Variants in GLI2 observed in about 807,000 individuals in gnomAD.
The protein encoded by GLI2 is GLI family zinc finger 2, also known as transcription activator GLI2.
A neutral mutation model predicts 78.9 loss-of-function variants in GLI2; 22 were observed. The ratio of observed to expected loss-of-function variants is 0.28; its 90% CI spans 0.20 to 0.40. GLI2 has a LOEUF of 0.40. Among genes scored for constraint, GLI2 ranks in the 10% least tolerant of loss-of-function variants. The pLI is 1.00. For synonymous variants in GLI2, 974 were observed against 963.7 expected, an observed-to-expected ratio of 1.01 and a Z score of -0.20; for missense variants, 2,097 against 2,213.2, an observed-to-expected ratio of 0.95 and a Z score of 1.05.
chr2:120,782,312 A>ACCCT (rs1683873159), intron 1 of GLI2, among the ~76,000 whole-genome samples: 4 of 152,198 alleles, frequency 2.6e-5, no homozygotes, highest in Non-Finnish European at 5.9e-5. Flanking sequence ...CTTCAGGGAT[A>ACCCT]GCTGGAGTTC....
chr2:120,839,582 G>A (rs978915694), intron 2 of GLI2, among the ~76,000 whole-genome samples: 2 of 151,778 alleles, frequency 1.3e-5, no homozygotes, highest in African/African-American at 2.4e-5. Flanking sequence ...ATTTTTTTGA[G>A]ATGGAGTCTC....
At chr2:120,852,338 C>T (rs529141771) in intron 2 of GLI2, among the ~76,000 whole-genome samples, 24 of 152,166 alleles carry the variant, frequency 1.6e-4, no homozygotes, top group Admixed American at 1.1e-3. Flanking sequence ...GCTCCATTTT[C>T]GGGCCAGCTC....
At position 120,992,041 on chromosome 2, in the gene GLI2, CACACA is replaced by C. The variant is rs1209581132; in HGVS notation, c.*1367_*1371del. 2 of 153,884 alleles carry C rather than the reference CACACA, an allele frequency of 1.3e-5. No homozygotes were observed. Among genetic ancestry groups the C allele is most frequent in the Non-Finnish European group, 1.4e-5 (1 of 69,530 alleles). The allele number at this position is 153,884 out of a possible 1,614,324, so 9.5% of individuals were successfully genotyped here. ...ACACACACACACACACACACACACA[CACACA>C]CACACCCCAAACCTTTTCATGGGGA... On this transcript the variant is annotated 3_prime_UTR_variant, in exon 14 of 14. Coordinates refer to ENST00000361492, the MANE Select transcript of GLI2 (RefSeq NM_001374353.1).
Position 120,990,961 on chromosome 2 carries a change from CT to C in GLI2, c.*287del, listed in dbSNP as rs1683272955. 2.4e-6 allele frequency: 1 copy of C among 412,336 alleles called. No individual in the cohort carries two copies. Among genetic ancestry groups the C allele is most frequent in the African/African-American group, 2.0e-5 (1 of 50,420 alleles). 25.5% of individuals were successfully genotyped at this position (412,336 alleles called of 1,614,324 possible). A position where few individuals can be genotyped will look rare whatever the true frequency, so the allele number is the denominator to read the frequency against. The stretch of plus-strand genomic sequence containing the variant: ...AGCCTTTGGTGCTTACAGGACCGCG[CT>C]GTTCCGGCTTCTTCACGGCTGACAT... On this transcript the variant is annotated 3_prime_UTR_variant, in exon 14 of 14. Transcript: ENST00000361492.
intron 3 of GLI2, among the ~76,000 whole-genome samples, chr2:120,945,049 G>A (rs1052479751): frequency 9.9e-5 from 15 of 152,208 alleles, no homozygotes; most frequent in Admixed American, 9.8e-4. Context: ...CAAGGGCTTT[G>A]CCAGGGATCT....
chr2:120,941,105 G>A (rs1573640016), intron 3 of GLI2, among the ~76,000 whole-genome samples: 1 of 152,200 alleles, frequency 6.6e-6, no homozygotes, highest in East Asian at 1.9e-4. Context: ...TGCAAACTGC[G>A]GCCTCAGCTC....
At chr2:120,780,067 T>C (rs1466757404) in intron 1 of GLI2, among the ~76,000 whole-genome samples, 1 of 152,152 alleles carries the variant, frequency 6.6e-6, no homozygotes, top group African/African-American at 2.4e-5. Flanking sequence ...GTGTTTCTTT[T>C]TTTTTTTTCT....
intron 2 of GLI2, among the ~76,000 whole-genome samples, chr2:120,884,252 G>C (rs1677292115): frequency 6.6e-6 from 1 of 152,342 alleles, no homozygotes; most frequent in African/African-American, 2.4e-5. Context: ...CGCACGGATG[G>C]TGGAGTGGAC....
Position 120,875,566 on chromosome 2 carries a change from C to T in GLI2, c.149-51795C>T, listed in dbSNP as rs182102838. On this transcript the variant is annotated intron_variant, in intron 2 of 13. Coordinates refer to ENST00000361492, the MANE Select transcript of GLI2 (RefSeq NM_001374353.1). ...CCCGCCCTGTGCCGAGTGCTAACGG[C>T]GGTGCTAACAGCTGCTGCTGTTTAT... Among the ~76,000 whole-genome samples the T allele has an allele frequency of 7.9e-3, 1,207 of 152,330 alleles. 7 individuals are homozygous for T. The highest frequency in any genetic ancestry group is 0.014 in the Non-Finnish European group (941 of 68,032).
chr2:120,791,051 G>C (rs577060099), intron 1 of GLI2, among the ~76,000 whole-genome samples: 83 of 152,296 alleles, frequency 5.4e-4, no homozygotes, highest in Middle Eastern at 3.4e-3. Context: ...GGCTCCGAGA[G>C]GGGAAGTAAC....
At chr2:120,940,800 C>T (rs1680413957) in intron 3 of GLI2, among the ~76,000 whole-genome samples, 1 of 152,244 alleles carries the variant, frequency 6.6e-6, no homozygotes, top group Non-Finnish European at 1.5e-5. Context: ...GATCTGTGCA[C>T]TTGTGGATTC....
intron 1 of GLI2, among the ~76,000 whole-genome samples, chr2:120,787,534 G>A (rs1684031761): frequency 6.6e-6 from 1 of 152,104 alleles, no homozygotes; most frequent in Admixed American, 6.5e-5. Context: ...GCCACCCTGG[G>A]CCCCTGAGAG....
chr2:120,924,359 C>T (rs1294948087), intron 2 of GLI2, among the ~76,000 whole-genome samples: 1 of 152,142 alleles, frequency 6.6e-6, no homozygotes, highest in Non-Finnish European at 1.5e-5. Flanking sequence ...GTCATTTAGG[C>T]TGGGTGGAGG....
At chr2:120,744,828 T>G (rs1682648972) in intron 1 of GLI2, among the ~76,000 whole-genome samples, 1 of 152,210 alleles carries the variant, frequency 6.6e-6, no homozygotes, top group African/African-American at 2.4e-5. Context: ...TTGCAGAATC[T>G]TAGGTTCCCC....
At chr2:120,766,123 A>C (rs545493680) in intron 1 of GLI2, among the ~76,000 whole-genome samples, 1 of 152,258 alleles carries the variant, frequency 6.6e-6, no homozygotes, top group African/African-American at 2.4e-5. Flanking sequence ...TCACGCGGCA[A>C]GGCTGGGGCT....
At chr2:120,792,953 C>T (rs1684217789) in intron 1 of GLI2, among the ~76,000 whole-genome samples, 1 of 152,182 alleles carries the variant, frequency 6.6e-6, no homozygotes, top group Admixed American at 6.5e-5. Flanking sequence ...CCAGAAGGGA[C>T]CTTATGAGCA....
intron 1 of GLI2, among the ~76,000 whole-genome samples, chr2:120,781,755 C>A (rs1386640120): frequency 1.3e-5 from 2 of 151,996 alleles, no homozygotes; most frequent in African/African-American, 4.8e-5. Context: ...TGGTGGTGCA[C>A]ACCTGTAGTC....
chr2:120,986,137 C>T (rs747434882), intron 12 of GLI2, 141 bp from the exon 13 acceptor site: 5 of 721,458 alleles, frequency 6.9e-6, no homozygotes, highest in Non-Finnish European at 9.6e-6. Flanking sequence ...GCTTTACGTG[C>T]TCCTCCGCAA....
At chr2:120,782,611 G>T (rs1055197950) in intron 1 of GLI2, among the ~76,000 whole-genome samples, 2 of 152,286 alleles carry the variant, frequency 1.3e-5, no homozygotes, top group African/African-American at 4.8e-5. Context: ...TCCCTGGGAG[G>T]ATATTCACTC....
Sources: gnomAD v4.1 joint callset for allele counts (sites outside exome capture counted in the v4.1 genomes callset) on GRCh38, gnomAD v4.1.1 for gene constraint, MANE v1.5 for transcripts, NCBI Gene and HGNC (gene_info 2026-07-23, HGNC 2026-07-21) for gene names.